The following CNTN4 variants were observed in gnomAD, a reference collection of about 807,000 sequenced individuals.
CNTN4 encodes contactin 4.
Under a neutral mutation model 122.5 loss-of-function variants are expected in CNTN4, and 77 were observed. The observed-to-expected ratio is 0.63, with a 90% confidence interval of 0.52 to 0.76. The LOEUF is 0.76. CNTN4 is among the 30% of genes least tolerant of loss of function. The pLI, the probability that CNTN4 is intolerant of heterozygous loss-of-function variation, is 0.00. For missense variants in CNTN4, 1,256 were observed against 1,259.1 expected, an observed-to-expected ratio of 1.00 and a Z score of 0.04; for synonymous variants, 512 against 447.0, an observed-to-expected ratio of 1.15 and a Z score of -1.83.
At chr3:2,416,160 GA>G (rs1477502423) in intron 3 of CNTN4, among the ~76,000 whole-genome samples, 9 of 151,952 alleles carry the variant, frequency 5.9e-5, no homozygotes, top group Non-Finnish European at 1.3e-4. Flanking sequence ...TAATAAAATA[GA>G]ACTTTTAAAA....
At chr3:2,909,792 A>G (rs2094279480) in intron 12 of CNTN4, among the ~76,000 whole-genome samples, 1 of 152,214 alleles carries the variant, frequency 6.6e-6, no homozygotes, top group African/African-American at 2.4e-5. Context: ...CTCTACCCTG[A>G]GAATTTCTGA....
intron 3 of CNTN4, among the ~76,000 whole-genome samples, chr3:2,396,331 GT>G (rs1263562371): frequency 6.6e-6 from 1 of 152,118 alleles, no homozygotes; most frequent in African/African-American, 2.4e-5. Context: ...AGCCTAGCCT[GT>G]TTTTAAGTAT....
intron 10 of CNTN4, among the ~76,000 whole-genome samples, chr3:2,895,846 A>AAC (rs1288360431): frequency 2.6e-5 from 4 of 152,166 alleles, no homozygotes; most frequent in South Asian, 2.1e-4. Flanking sequence ...CATCCTGGCT[A>AAC]ACAGGGTGAA....
At chr3:2,319,805 C>T (rs1229546689) in intron 2 of CNTN4, among the ~76,000 whole-genome samples, 3 of 152,114 alleles carry the variant, frequency 2.0e-5, no homozygotes, top group Admixed American at 6.6e-5. Flanking sequence ...CTACCCTCCT[C>T]GTTGTTCAAG....
At chr3:2,816,826 A>C (rs2092744646) in intron 6 of CNTN4, among the ~76,000 whole-genome samples, 1 of 149,906 alleles carries the variant, frequency 6.7e-6, no homozygotes, top group Admixed American at 6.6e-5. Flanking sequence ...TCTCCAAAAA[A>C]AAAAAAAAAA....
intron 2 of CNTN4, among the ~76,000 whole-genome samples, chr3:2,229,186 T>G (rs2039394862): frequency 6.6e-6 from 1 of 152,176 alleles, no homozygotes. Flanking sequence ...TGAAAGGAAT[T>G]GAGAAGTTAT....
At chr3:2,118,868 G>A (rs1350730380) in intron 2 of CNTN4, among the ~76,000 whole-genome samples, 1 of 152,192 alleles carries the variant, frequency 6.6e-6, no homozygotes, top group African/African-American at 2.4e-5. Flanking sequence ...ATGACATTTA[G>A]AAAAAGTTTT....
chr3:2,244,230 A>T (rs1013792941), intron 2 of CNTN4, among the ~76,000 whole-genome samples: 1 of 150,530 alleles, frequency 6.6e-6, no homozygotes, highest in African/African-American at 2.5e-5. Flanking sequence ...ATCTATGTAA[A>T]TGTGGTTTCT....
chr3:2,919,671 G>A (rs2094408021), intron 12 of CNTN4, among the ~76,000 whole-genome samples: 1 of 152,130 alleles, frequency 6.6e-6, no homozygotes. Context: ...TTGTATAAGA[G>A]TTTAAGACAC....
intron 2 of CNTN4, among the ~76,000 whole-genome samples, chr3:2,321,404 C>T (rs1438862493): frequency 6.6e-6 from 1 of 152,008 alleles, no homozygotes; most frequent in Non-Finnish European, 1.5e-5. Flanking sequence ...CAGAACTGTC[C>T]TGAGGGTTAA....
chr3:2,300,795 A>T (rs1380229992), intron 2 of CNTN4, among the ~76,000 whole-genome samples: 1 of 151,816 alleles, frequency 6.6e-6, no homozygotes, highest in Admixed American at 6.6e-5. Context: ...GGTCTCCATC[A>T]ACAGACCTTG....
At chr3:2,366,989 T>C (rs2045405077) in intron 3 of CNTN4, among the ~76,000 whole-genome samples, 1 of 152,114 alleles carries the variant, frequency 6.6e-6, no homozygotes, top group Non-Finnish European at 1.5e-5. Context: ...ATATATGTAC[T>C]TTGTGGGATG....
At chr3:3,014,574 C>T (rs1374857401) in intron 14 of CNTN4, among the ~76,000 whole-genome samples, 4 of 151,908 alleles carry the variant, frequency 2.6e-5, no homozygotes, top group African/African-American at 9.7e-5. Context: ...CTGTGTACTC[C>T]ACTTGGTGTG....
At chr3:2,253,724 C>T (rs1035079390) in intron 2 of CNTN4, among the ~76,000 whole-genome samples, 1 of 151,940 alleles carries the variant, frequency 6.6e-6, no homozygotes, top group Non-Finnish European at 1.5e-5. Context: ...TCACTGCAGC[C>T]TTAACCTCCT....
intron 2 of CNTN4, among the ~76,000 whole-genome samples, chr3:2,307,801 G>C (rs1358097997): frequency 1.5e-5 from 2 of 133,760 alleles, no homozygotes; most frequent in Non-Finnish European, 3.1e-5. Flanking sequence ...ATAATCTGTT[G>C]TGGTCATAAT....
intron 2 of CNTN4, among the ~76,000 whole-genome samples, chr3:2,229,392 A>T (rs1188431394): frequency 6.6e-6 from 1 of 152,148 alleles, no homozygotes; most frequent in Non-Finnish European, 1.5e-5. Context: ...CCAGTGTTAA[A>T]AGATTGATTA....
Position 2,585,849 on chromosome 3 carries a change from AAG to A in CNTN4, c.55+14293_55+14294del, listed in dbSNP as rs1260610368. ...AACTTAAAGTATAATAAAAAAAAAA[AAG>A]AAAAGTAACCCAATACAGAGGGGGA... On this transcript the variant is annotated intron_variant, in intron 4 of 24. Coordinates refer to ENST00000418658, the MANE Select transcript of CNTN4 (RefSeq NM_175607.3). 2.0e-4 allele frequency among the ~76,000 whole-genome samples: 31 copies of A among 151,616 alleles called. No individual in the cohort carries two copies. In the East Asian group the frequency reaches 5.5e-3, roughly 27 times the overall value.
chr3:2,886,242 C>A (rs1416578402), intron 9 of CNTN4, among the ~76,000 whole-genome samples: 1 of 151,154 alleles, frequency 6.6e-6, no homozygotes, highest in Non-Finnish European at 1.5e-5. Flanking sequence ...ACTAAAAATA[C>A]AAAAATTAGC....
At chr3:2,371,406 A>C (rs963046732) in intron 3 of CNTN4, among the ~76,000 whole-genome samples, 3 of 152,080 alleles carry the variant, frequency 2.0e-5, no homozygotes, top group Admixed American at 6.5e-5. Context: ...CCCAACCCCA[A>C]TGCTCTGGCT....
Sources: allele counts gnomAD v4.1 joint callset (sites outside exome capture counted in the v4.1 genomes callset), GRCh38; gene constraint gnomAD v4.1.1; transcripts MANE v1.5; gene names NCBI Gene and HGNC (gene_info 2026-07-23, HGNC 2026-07-21).